Variants in CBR4 observed in about 807,000 individuals in gnomAD.
The protein encoded by CBR4 is 3-oxoacyl-[acyl-carrier-protein] reductase.
In CBR4, 22 loss-of-function variants were observed where a neutral mutation model predicts 21.0. The ratio of observed to expected loss-of-function variants is 1.05; its 90% CI spans 0.75 to 1.50. CBR4 has a LOEUF of 1.50. CBR4 is among the 40% of genes most tolerant of loss of function. CBR4 has a pLI of 0.00. For missense variants in CBR4, 302 were observed against 286.3 expected (o/e 1.05, Z -0.40); for synonymous variants, 100 against 104.4 (o/e 0.96, Z 0.26).
chr4:168,940,010 G>A (rs1763219194), intron 2 of CBR4, among the ~76,000 whole-genome samples: 1 of 152,144 alleles, frequency 6.6e-6, no homozygotes, highest in African/African-American at 2.4e-5. Flanking sequence ...GAATAAAGCT[G>A]GAGGCATCAT....
intron 4 of CBR4, among the ~76,000 whole-genome samples, chr4:168,996,636 C>T (rs1765217427): frequency 6.6e-6 from 1 of 152,138 alleles, no homozygotes; most frequent in South Asian, 2.1e-4. Flanking sequence ...TGGACAAATG[C>T]ATAATATCAT....
chr4:168,900,591 G>T (rs114687036), intron 2 of CBR4, among the ~76,000 whole-genome samples: 1 of 152,060 alleles, frequency 6.6e-6, no homozygotes, highest in Admixed American at 6.6e-5. Context: ...GCATTGTTTT[G>T]TTTTCCCACC....
chr4:168,990,698 A>C (rs1397771779), intron 4 of CBR4, among the ~76,000 whole-genome samples: 2 of 151,888 alleles, frequency 1.3e-5, no homozygotes, highest in African/African-American at 4.8e-5. Context: ...CTGGGATTAC[A>C]GGCATGAGCC....
intron 1 of CBR4, among the ~76,000 whole-genome samples, chr4:169,009,451 C>A (rs539305334): frequency 6.6e-6 from 1 of 152,362 alleles, no homozygotes; most frequent in East Asian, 1.9e-4. Flanking sequence ...CTGCTTTGTG[C>A]ATTCGCGCAG....
At position 168,990,205 on chromosome 4, in the gene CBR4, G is replaced by A. The variant is rs751971640; in HGVS notation, c.659C>T (p.Pro220Leu). Residue 220 changes from proline to leucine, a missense_variant, in exon 5 of 5, where the codon CCG (proline) becomes CTG (leucine). Pro to Leu is a moderately conservative substitution (Grantham distance 98, BLOSUM62 -3). Transcript: ENST00000306193. ...TACCAGAACATGCCCTGTAATATAC[G>A]GTGATTCTAAAAGAAACACAACCGC... ...AHAVVFLLES[P>L]YITGHVLVVD... 81 of 1,612,056 alleles carry A rather than the reference G, an allele frequency of 5.0e-5. No homozygotes were observed. Among genetic ancestry groups the A allele is most frequent in the Non-Finnish European group, 5.9e-5 (69 of 1,179,078 alleles).
chr4:168,983,364 G>C (rs1466096385), downstream of CBR4, among the ~76,000 whole-genome samples: 1 of 151,960 alleles, frequency 6.6e-6, no homozygotes, highest in African/African-American at 2.4e-5. Context: ...GATTGAACCA[G>C]GATGAAATTG....
chr4:168,997,328 T>C (rs928068887), intron 4 of CBR4, among the ~76,000 whole-genome samples: 1 of 152,192 alleles, frequency 6.6e-6, no homozygotes, highest in African/African-American at 2.4e-5. Context: ...GTTCCATATA[T>C]GTGATTAAAA....
At chr4:168,916,102 T>TG in intron 2 of CBR4, 2 of 1,396,606 alleles carry the variant, frequency 1.4e-6, no homozygotes, top group Non-Finnish European at 2.0e-6. Context: ...TAGTTCCTTT[T>TG]GGGGAAATTA....
At chr4:168,962,786 T>C (rs1246902087) in intron 2 of CBR4, among the ~76,000 whole-genome samples, 4 of 151,684 alleles carry the variant, frequency 2.6e-5, no homozygotes, top group Non-Finnish European at 4.4e-5. Context: ...CTTTGAGAAA[T>C]CAACAGCTAA....
At chr4:168,994,777 G>A (rs574511808) in intron 4 of CBR4, among the ~76,000 whole-genome samples, 18 of 132,370 alleles carry the variant, frequency 1.4e-4, no homozygotes, top group South Asian at 2.4e-4. Context: ...TTTTTGAGAC[G>A]GAGTTTGGCT....
intron 2 of CBR4, chr4:168,925,086 C>A: frequency 1.9e-6 from 3 of 1,613,516 alleles, no homozygotes; most frequent in Non-Finnish European, 2.5e-6. Flanking sequence ...ACAGTGAGTG[C>A]CACTTCATCT....
intron 2 of CBR4, among the ~76,000 whole-genome samples, chr4:168,944,094 CTTAA>C (rs1387703307): frequency 2.6e-5 from 4 of 152,004 alleles, no homozygotes; most frequent in Admixed American, 6.6e-5. Context: ...GAAAAAGTAT[CTTAA>C]TTATTTTAGC....
chr4:168,984,017 T>C (rs1344748381), downstream of CBR4, among the ~76,000 whole-genome samples: 2 of 152,104 alleles, frequency 1.3e-5, no homozygotes, highest in Non-Finnish European at 2.9e-5. Context: ...ATGCCCACTC[T>C]CACCACTCCT....
chr4:168,974,644 A>G (rs1362191453), intron 2 of CBR4, among the ~76,000 whole-genome samples: 1 of 152,068 alleles, frequency 6.6e-6, no homozygotes, highest in African/African-American at 2.4e-5. Context: ...GGTTAATTCA[A>G]AAGCCTGGTC....
rs1755775639 is a variant in CBR4 at position 168,898,566 on chromosome 4, A to C, written n.170-3801T>G. On this transcript the variant is annotated intron_variant and non_coding_transcript_variant, in intron 2 of 3. Coordinates refer to the CBR4 transcript ENST00000509108. ...TACAGGCTAGAAAGGTCTCCTGTGG[A>C]TGAATCAGGTGATGAAGTTCAGTAT... The C allele has an allele frequency of 8.7e-6, 14 of 1,613,862 alleles. No homozygotes were observed. The highest frequency in any genetic ancestry group is 1.2e-5 in the Non-Finnish European group (14 of 1,179,700).
rs565153613 is a variant in CBR4 at position 168,967,161 on chromosome 4, T to G, written n.169+34910A>C. On this transcript the variant is annotated intron_variant and non_coding_transcript_variant, in intron 2 of 3. Transcript: ENST00000509108. Reference sequence around the variant, plus strand: ...GAAAATGTGGCACATATACACCATGTAATACTATGCAGCCATAAAAAAGGA... The same window carrying G: ...GAAAATGTGGCACATATACACCATGGAATACTATGCAGCCATAAAAAAGGA... 2.4e-4 allele frequency among the ~76,000 whole-genome samples: 36 copies of G among 152,284 alleles called. No individual in the cohort carries two copies. The South Asian group carries it at 7.5e-3, about 32-fold the overall frequency.
At chr4:168,999,176 G>A (rs1730192515) in intron 4 of CBR4, among the ~76,000 whole-genome samples, 1 of 152,024 alleles carries the variant, frequency 6.6e-6, no homozygotes. Context: ...ATGAATCGCA[G>A]CCTAATTTAT....
At chr4:168,938,381 C>T (rs1763170905) in intron 2 of CBR4, among the ~76,000 whole-genome samples, 1 of 152,174 alleles carries the variant, frequency 6.6e-6, no homozygotes, top group Non-Finnish European at 1.5e-5. Flanking sequence ...AAAATCAACA[C>T]TCTAACATCC....
rs908997707 is a variant in CBR4, at chr4:168,989,474, T to C, written c.*676A>G. 1 of 985,278 alleles carries C rather than the reference T, an allele frequency of 1.0e-6. No homozygotes were observed. The highest frequency in any genetic ancestry group is 1.2e-6 in the Non-Finnish European group (1 of 829,892). The allele number at this position is 985,278 out of a possible 1,614,324, so 61.0% of individuals were successfully genotyped here. The stretch of plus-strand genomic sequence containing the variant: ...CTCAAAGAAATCAATTCTAAATTCA[T>C]GTCTTTAATGAATACTATGTTTTGC... On this transcript the variant is annotated 3_prime_UTR_variant, in exon 5 of 5. Transcript: ENST00000306193.
Sources: allele counts gnomAD v4.1 joint callset (sites outside exome capture counted in the v4.1 genomes callset), GRCh38; gene constraint gnomAD v4.1.1; transcripts MANE v1.5; gene names NCBI Gene and HGNC (gene_info 2026-07-23, HGNC 2026-07-21).